RAD52: variants seen among roughly 807,000 people sequenced by gnomAD.
RAD52 encodes the protein DNA repair protein RAD52 homolog.
RAD52 carries 47 observed loss-of-function variants against 55.5 expected under a neutral mutation model. That is an observed-to-expected ratio of 0.85 (90% CI 0.67 to 1.08). The LOEUF (loss-of-function observed/expected upper bound fraction) is 1.08. Ranked by LOEUF, RAD52 falls within the 50% of genes least tolerant of loss-of-function variation. The probability of loss-of-function intolerance (pLI) is 0.00; values close to 1 mark genes in which losing one functional copy is unlikely to be tolerated. For synonymous variants in RAD52, 184 were observed against 198.9 expected (o/e 0.92, Z 0.63); for missense variants, 468 against 522.8 (o/e 0.90, Z 1.02).
At chr12:979,149 A>C (rs1958975865) in intron 1 of RAD52, among the ~76,000 whole-genome samples, 1 of 152,136 alleles carries the variant, frequency 6.6e-6, no homozygotes, top group Non-Finnish European at 1.5e-5. Flanking sequence ...AAGTAAGGTT[A>C]AATGATGCGG....
intron 1 of RAD52, among the ~76,000 whole-genome samples, chr12:942,703 C>T (rs192468569): frequency 6.6e-5 from 10 of 151,678 alleles, no homozygotes; most frequent in African/African-American, 2.4e-4. Context: ...GCGGAGATCG[C>T]CATCACCGCA....
Position 916,253 on chromosome 12 carries a change from G to A in RAD52, c.865+91C>T. 6.4e-6 allele frequency: 10 copies of A among 1,555,008 alleles called. No individual in the cohort carries two copies. In the South Asian group the frequency reaches 1.1e-4, roughly 17 times the overall value. On this transcript the variant is annotated intron_variant, in intron 9 of 11. Coordinates refer to ENST00000358495, the MANE Select transcript of RAD52 (RefSeq NM_134424.4). The stretch of plus-strand genomic sequence containing the variant: ...CCCAGCGAGGCCTGGTTTGGAGCCG[G>A]CCCAGGGTTACCGCAGAGAATCAGA...
chr12:972,946 T>G (rs1958884000), intron 1 of RAD52, among the ~76,000 whole-genome samples: 1 of 152,168 alleles, frequency 6.6e-6, no homozygotes, highest in African/African-American at 2.4e-5. Flanking sequence ...CCTAAGAATT[T>G]GGATTTTACT....
At chr12:926,842 G>A in intron 6 of RAD52, 1 of 1,536,860 alleles carries the variant, frequency 6.5e-7, no homozygotes. Flanking sequence ...GGAGGGTGCT[G>A]TCTGTGCACT....
At position 914,046 on chromosome 12, in the gene RAD52, C is replaced by T. The variant is rs56164975; in HGVS notation, c.1043G>A (p.Arg348Lys). Residue 348 changes from arginine to lysine, a missense_variant, in exon 11 of 12, where the codon AGA (arginine) becomes AAA (lysine). By Grantham distance (26) the Arg-to-Lys change is conservative. Coordinates refer to ENST00000358495, the MANE Select transcript of RAD52 (RefSeq NM_134424.4). ...AGDGVVKPSSRADPAQTSDTL... is the reference protein window; with the variant it reads ...AGDGVVKPSSKADPAQTSDTL... ...GTCAGAGGTCTGGGCTGGGTCTGCT[C>T]TAGACGAGGGCTTGACCACACCATC... 8.7e-6 allele frequency: 14 copies of T among 1,614,066 alleles called. No individual in the cohort carries two copies. The African/African-American group carries it at 1.3e-4, about 15-fold the overall frequency.
intron 1 of RAD52, among the ~76,000 whole-genome samples, chr12:960,557 G>A (rs1958669288): frequency 6.6e-6 from 1 of 152,124 alleles, no homozygotes; most frequent in African/African-American, 2.4e-5. Context: ...CAAACTCCTG[G>A]GCTCAAGCAA....
At chr12:983,352 T>C (rs1042010294) in intron 1 of RAD52, among the ~76,000 whole-genome samples, 18 of 151,992 alleles carry the variant, frequency 1.2e-4, no homozygotes, top group African/African-American at 3.9e-4. Context: ...TTATTTGCCA[T>C]AATTTTGGAA....
chr12:940,636 C>T (rs987378262), intron 1 of RAD52, among the ~76,000 whole-genome samples: 1 of 150,622 alleles, frequency 6.6e-6, no homozygotes, highest in East Asian at 2.0e-4. Context: ...AAAACAAAAC[C>T]AAAGAGAAAG....
intron 1 of RAD52, among the ~76,000 whole-genome samples, chr12:938,021 G>T (rs1047391583): frequency 6.6e-6 from 1 of 152,076 alleles, no homozygotes; most frequent in Admixed American, 6.6e-5. Context: ...CTCACCCTTT[G>T]TTGTCAAACT....
intron 1 of RAD52, among the ~76,000 whole-genome samples, chr12:960,024 G>C (rs1187972874): frequency 1.3e-5 from 2 of 152,172 alleles, no homozygotes; most frequent in Admixed American, 6.5e-5. Context: ...GATGTAGGGA[G>C]GGAGGGCACA....
chr12:989,990 G>T (rs61742296), exon 1 of RAD52: 1 of 152,208 alleles, frequency 6.6e-6, no homozygotes, highest in African/African-American at 2.4e-5. Flanking sequence ...AGTACTGAAG[G>T]GGGAGATGAC....
chr12:934,435 C>A (rs1320041466), intron 1 of RAD52, among the ~76,000 whole-genome samples: 3 of 6,260 alleles, frequency 4.8e-4, no homozygotes, highest in African/African-American at 8.6e-4. Context: ...GGCACTCCAG[C>A]CTGGGCGAGA....
rs367880915 is a variant in RAD52 at position 935,580 on chromosome 12, G to A, written c.-18-2504C>T. ...ATTTTTAGTAGAGACAGGGCCGGGC[G>A]TGGTGGCTCACGCCTGTAATCCCAA... is the stretch of plus-strand genomic sequence containing the variant. On this transcript the variant is annotated intron_variant, in intron 1 of 11. Coordinates refer to ENST00000358495, the MANE Select transcript of RAD52 (RefSeq NM_134424.4). Among the ~76,000 whole-genome samples, 14 of 151,616 alleles carry A rather than the reference G, an allele frequency of 9.2e-5. No homozygotes were observed. In the East Asian group the frequency reaches 2.4e-3, roughly 26 times the overall value.
chr12:968,083 A>C (rs950565032), intron 1 of RAD52, among the ~76,000 whole-genome samples: 1 of 152,060 alleles, frequency 6.6e-6, no homozygotes, highest in Non-Finnish European at 1.5e-5. Context: ...CATCCCTATG[A>C]GTGTTAGCAG....
At chr12:949,113 T>C (rs985270193) in intron 1 of RAD52, among the ~76,000 whole-genome samples, 2 of 152,024 alleles carry the variant, frequency 1.3e-5, no homozygotes, top group South Asian at 2.1e-4. Flanking sequence ...CGGAGTGTCG[T>C]GGTACGGGTG....
At position 932,999 on chromosome 12, in the gene RAD52, G is replaced by A. The variant is rs1055383484; in HGVS notation, c.60C>T (p.Gly20=). The A allele has an allele frequency of 8.1e-6, 13 of 1,613,800 alleles. No homozygotes were observed. The highest frequency in any genetic ancestry group is 1.3e-5 in the African/African-American group (1 of 74,890). The change falls in exon 2 of 12, where the codon GGC becomes GGT. Residue 20 remains glycine (G), a synonymous_variant. Coordinates refer to ENST00000358495, the MANE Select transcript of RAD52 (RefSeq NM_134424.4). The part of the protein sequence containing the change: ...GGRDSHPAAG[G]GSVLCFGQCQ... ...CCTGTCCAAAGCATAACACTGAGCC[G>A]CCGCCAGCAGCAGGATGGCTGTCAC...
chr12:939,241 C>T (rs1167616638), intron 1 of RAD52, among the ~76,000 whole-genome samples: 1 of 152,058 alleles, frequency 6.6e-6, no homozygotes, highest in East Asian at 1.9e-4. Context: ...TACCCTCAAA[C>T]TCCTTGGCTC....
chr12:957,097 T>C (rs975322560), intron 1 of RAD52, among the ~76,000 whole-genome samples: 1 of 152,038 alleles, frequency 6.6e-6, no homozygotes, highest in Non-Finnish European at 1.5e-5. Flanking sequence ...CCAACTACCT[T>C]CAGATTTCAG....
intron 1 of RAD52, among the ~76,000 whole-genome samples, chr12:961,166 T>C (rs1324842733): frequency 6.6e-6 from 1 of 151,292 alleles, no homozygotes; most frequent in Non-Finnish European, 1.5e-5. Flanking sequence ...AAAAATTAGC[T>C]GGGCGTGGTG....
Sources: gnomAD v4.1 joint callset for allele counts (sites outside exome capture counted in the v4.1 genomes callset) on GRCh38, gnomAD v4.1.1 for gene constraint, MANE v1.5 for transcripts, NCBI Gene and HGNC (gene_info 2026-07-23, HGNC 2026-07-21) for gene names.